The following PLCB4 variants were observed in gnomAD, a reference collection of about 807,000 sequenced individuals.
The protein encoded by PLCB4 is phospholipase C beta 4.
PLCB4 carries 77 observed loss-of-function variants against 178.8 expected under a neutral mutation model. The ratio of observed to expected loss-of-function variants is 0.43; its 90% CI spans 0.36 to 0.52. The LOEUF (loss-of-function observed/expected upper bound fraction) is 0.52, where lower values mean the gene tolerates loss of function less well. PLCB4 is among the 20% of genes least tolerant of loss of function. PLCB4 has a pLI of 0.00. For missense variants in PLCB4, 1,024 were observed against 1,453.4 expected, an observed-to-expected ratio of 0.70 and a Z score of 4.80; for synonymous variants, 496 against 490.8, an observed-to-expected ratio of 1.01 and a Z score of -0.14.
chr20:9,121,256 G>A (rs2091954929), intron 2 of PLCB4, among the ~76,000 whole-genome samples: 1 of 152,046 alleles, frequency 6.6e-6, no homozygotes, highest in African/African-American at 2.4e-5. Context: ...TCCCTGATAT[G>A]GAATATTCCT....
At chr20:9,261,511 G>A (rs2094297298) in intron 3 of PLCB4, among the ~76,000 whole-genome samples, 1 of 152,136 alleles carries the variant, frequency 6.6e-6, no homozygotes, top group African/African-American at 2.4e-5. Context: ...GGCATTGAAT[G>A]TTCTTCATAA....
intron 36 of PLCB4, among the ~76,000 whole-genome samples, chr20:9,470,174 C>CA (rs1164768811): frequency 6.6e-6 from 1 of 151,716 alleles, no homozygotes; most frequent in African/African-American, 2.4e-5. Context: ...ACTAAAAATA[C>CA]AAAAAAATTA....
intron 7 of PLCB4, among the ~76,000 whole-genome samples, chr20:9,355,896 A>C (rs2034767526): frequency 6.6e-6 from 1 of 152,242 alleles, no homozygotes; most frequent in Admixed American, 6.5e-5. Flanking sequence ...TGGTTGAACT[A>C]GTCCACAGTC....
intron 34 of PLCB4, among the ~76,000 whole-genome samples, chr20:9,459,191 A>G (rs2043235909): frequency 6.6e-6 from 1 of 152,142 alleles, no homozygotes. Flanking sequence ...TAAAAATACA[A>G]AAATTAGCTG....
At chr20:9,308,222 A>C (rs1225721685) in intron 4 of PLCB4, among the ~76,000 whole-genome samples, 1 of 152,194 alleles carries the variant, frequency 6.6e-6, no homozygotes, top group African/African-American at 2.4e-5. Context: ...TTTTTGCTTA[A>C]TGCAGTGCTT....
At chr20:9,236,103 T>C (rs1177758851) in intron 3 of PLCB4, among the ~76,000 whole-genome samples, 3 of 152,168 alleles carry the variant, frequency 2.0e-5, no homozygotes, top group Non-Finnish European at 4.4e-5. Flanking sequence ...CACCATCCCT[T>C]CCCTAAGCGT....
chr20:9,149,529 C>A (rs2092655611), intron 2 of PLCB4, among the ~76,000 whole-genome samples: 1 of 152,194 alleles, frequency 6.6e-6, no homozygotes, highest in Non-Finnish European at 1.5e-5. Flanking sequence ...TTGCTTCTTG[C>A]AACGTACTGT....
intron 3 of PLCB4, among the ~76,000 whole-genome samples, chr20:9,244,909 G>A (rs1351002408): frequency 1.3e-5 from 2 of 152,038 alleles, no homozygotes; most frequent in Admixed American, 6.6e-5. Flanking sequence ...GTGAACGCTG[G>A]GCAGTTCTGA....
intron 9 of PLCB4, chr20:9,370,885 G>GGTGACAGA (rs2036196871): frequency 5.6e-6 from 1 of 178,114 alleles, no homozygotes; most frequent in African/African-American, 2.4e-5. Context: ...CTCCAGCCTA[G>GGTGACAGA]GTGACAGAGT....
chr20:9,441,736 G>A (rs1010560264), intron 30 of PLCB4, among the ~76,000 whole-genome samples: 1 of 152,120 alleles, frequency 6.6e-6, no homozygotes, highest in Admixed American at 6.5e-5. Flanking sequence ...TAAATTCTCG[G>A]CATTCAGACG....
chr20:9,433,296 G>T (rs2148629320), intron 28 of PLCB4, among the ~76,000 whole-genome samples: 1 of 152,300 alleles, frequency 6.6e-6, no homozygotes, highest in East Asian at 1.9e-4. Context: ...AAGATGTCAA[G>T]AGGGATTGCT....
At chr20:9,079,945 G>A (rs532831309) in intron 1 of PLCB4, among the ~76,000 whole-genome samples, 1 of 152,258 alleles carries the variant, frequency 6.6e-6, no homozygotes, top group South Asian at 2.1e-4. Flanking sequence ...CTTATAGATA[G>A]GACAGACAGA....
At chr20:9,259,787 C>T (rs949834378) in intron 3 of PLCB4, among the ~76,000 whole-genome samples, 2 of 151,896 alleles carry the variant, frequency 1.3e-5, no homozygotes, top group Admixed American at 6.6e-5. Context: ...ATATACCCAA[C>T]TTTTCAAGAC....
At chr20:9,458,978 A>C (rs1443846489) in intron 34 of PLCB4, among the ~76,000 whole-genome samples, 1 of 152,236 alleles carries the variant, frequency 6.6e-6, no homozygotes. Context: ...GCTTGTGGAC[A>C]TGAAGCTGGA....
At chr20:9,217,949 C>T (rs931323838) in intron 3 of PLCB4, among the ~76,000 whole-genome samples, 2 of 152,110 alleles carry the variant, frequency 1.3e-5, no homozygotes, top group Non-Finnish European at 1.5e-5. Flanking sequence ...GTTCATTTTA[C>T]AAACTTTTAA....
chr20:9,443,722 G>A (rs141426914), intron 30 of PLCB4, among the ~76,000 whole-genome samples: 1 of 152,170 alleles, frequency 6.6e-6, no homozygotes, highest in East Asian at 1.9e-4. Flanking sequence ...TCTCCTGAGA[G>A]TCTGCCCTCA....
In PLCB4 at chr20:9,144,396, A is replaced by G. The variant is rs562410559; in HGVS notation, c.-79+48054A>G. Among the ~76,000 whole-genome samples the G allele has an allele frequency of 1.7e-4, 26 of 152,176 alleles. 1 individual carries two copies. The highest frequency in any genetic ancestry group is 5.8e-4 in the African/African-American group (24 of 41,530). ...TATGACACAAAGGAACCTGAAAAAC[A>G]TAAGCAGCAGATTACACCTTTGCTT... On this transcript the variant is annotated intron_variant, in intron 2 of 39. Transcript: ENST00000378473.
intron 3 of PLCB4, among the ~76,000 whole-genome samples, chr20:9,291,372 A>G (rs992708907): frequency 6.6e-6 from 1 of 152,144 alleles, no homozygotes; most frequent in Non-Finnish European, 1.5e-5. Flanking sequence ...TGCACAGTAA[A>G]TTTCCCATTA....
chr20:9,127,076 C>T (rs1000337840), intron 2 of PLCB4, among the ~76,000 whole-genome samples: 6 of 152,018 alleles, frequency 3.9e-5, no homozygotes, highest in Admixed American at 1.3e-4. Context: ...AGAGAGTGGA[C>T]GTTTTACCAC....
Sources: gnomAD v4.1 joint callset for allele counts (sites outside exome capture counted in the v4.1 genomes callset) on GRCh38, gnomAD v4.1.1 for gene constraint, MANE v1.5 for transcripts, NCBI Gene and HGNC (gene_info 2026-07-23, HGNC 2026-07-21) for gene names.